The following SEC61A2 variants were observed in gnomAD, a reference collection of about 807,000 sequenced individuals.
The protein encoded by SEC61A2 is protein transport protein Sec61 subunit alpha isoform 2.
Under a neutral mutation model 59.9 loss-of-function variants are expected in SEC61A2, and 28 were observed. That is an observed-to-expected ratio of 0.47 (90% CI 0.35 to 0.64). The LOEUF (loss-of-function observed/expected upper bound fraction) is 0.64. Ranked by LOEUF, SEC61A2 falls within the 30% of genes least tolerant of loss-of-function variation. SEC61A2 has a pLI of 0.01. For missense variants in SEC61A2, 340 were observed against 585.9 expected (o/e 0.58, Z 4.33); for synonymous variants, 202 against 214.4 (o/e 0.94, Z 0.50).
At chr10:12,148,407 G>A (rs1016984802) in intron 4 of SEC61A2, among the ~76,000 whole-genome samples, 25 of 151,432 alleles carry the variant, frequency 1.7e-4, no homozygotes, top group Non-Finnish European at 3.7e-4. Context: ...CATCATGCCC[G>A]GATACTTTTG....
At position 12,129,981 on chromosome 10, in the gene SEC61A2, C is replaced by T. The variant is rs1445094519; in HGVS notation, c.7+187C>T. On this transcript the variant is annotated intron_variant, in intron 1 of 11. Transcript: ENST00000298428. The surrounding 1 kb of genome is among the most constrained non-coding windows in gnomAD (Gnocchi z 5.6). ...TCCCCTAGCCGTGCGAGGCCTTGCC[C>T]GGCGGGTACCGGGACCCGGAGGCCC... 1.3e-5 allele frequency among the ~76,000 whole-genome samples: 2 copies of T among 152,072 alleles called. No homozygotes were observed. The highest frequency in any genetic ancestry group is 2.1e-4 in the South Asian group (1 of 4,830).
Position 12,149,386 on chromosome 10 carries a change from G to A in SEC61A2, c.221-209G>A, listed in dbSNP as rs77364435. ...CTGCAGGCGTGAGCCACTGTGCCAA[G>A]CCTATAGTACTTTTTATTCAGGGCA... is the stretch of plus-strand genomic sequence containing the variant. On this transcript the variant is annotated intron_variant, in intron 4 of 11. Transcript: ENST00000298428. This position sits in a 1 kb window ranked among gnomAD's most constrained non-coding sequence, Gnocchi z 5.2. 0.016 allele frequency among the ~76,000 whole-genome samples: 2,465 copies of A among 152,298 alleles called. 67 individuals carry two copies. The highest frequency in any genetic ancestry group is 0.057 in the African/African-American group (2,349 of 41,554).
rs1415399695 is a variant in SEC61A2, at chr10:12,145,219, G to A, written c.220+2024G>A. On this transcript the variant is annotated intron_variant, in intron 4 of 11. Coordinates refer to ENST00000298428, the MANE Select transcript of SEC61A2 (RefSeq NM_018144.4). The surrounding 1 kb of genome is among the most constrained non-coding windows in gnomAD (Gnocchi z 4.4). ...GATGGGAAACTTCTGCAGGCCACTA[G>A]GTTCCTTTCTTGTCATATATTACGT... Among the ~76,000 whole-genome samples, 4 of 152,002 alleles carry A rather than the reference G, an allele frequency of 2.6e-5. No homozygotes were observed. The East Asian group carries it at 7.7e-4, about 29-fold the overall frequency.
In SEC61A2 at chr10:12,164,503, G is replaced by A. The variant is rs776624271; in HGVS notation, c.*49G>A. On this transcript the variant is annotated 3_prime_UTR_variant, in exon 12 of 12. Coordinates refer to ENST00000298428, the MANE Select transcript of SEC61A2 (RefSeq NM_018144.4). This position sits in a 1 kb window ranked among gnomAD's most constrained non-coding sequence, Gnocchi z 7.3. ...CGTGTGAAAGGGAAAACACTTTGAC[G>A]GATCGTTTTTGTCAGATGACACTGG... 2.9e-5 allele frequency: 46 copies of A among 1,576,000 alleles called. No homozygotes were observed. Among genetic ancestry groups the A allele is most frequent in the East Asian group, 2.3e-4 (10 of 44,192 alleles).
chr10:12,133,099 G>C, intron 1 of SEC61A2, 142 bp from the exon 2 acceptor site: 1 of 529,358 alleles, frequency 1.9e-6, no homozygotes, highest in Non-Finnish European at 3.5e-6. Flanking sequence ...TTGAAATGGA[G>C]AACAGTATGA....
At chr10:12,147,531 A>G (rs1047054800) in intron 4 of SEC61A2, among the ~76,000 whole-genome samples, 1 of 152,158 alleles carries the variant, frequency 6.6e-6, no homozygotes, top group Non-Finnish European at 1.5e-5. Context: ...CCAAAAATAC[A>G]GAAATTAGCT....
At chr10:12,131,428 C>A (rs1833735153) in intron 1 of SEC61A2, among the ~76,000 whole-genome samples, 1 of 152,142 alleles carries the variant, frequency 6.6e-6, no homozygotes, top group Non-Finnish European at 1.5e-5. Context: ...GAGAGATTGT[C>A]ATTTTCACCC....
At position 12,152,866 on chromosome 10, in the gene SEC61A2, C is replaced by T. The variant is rs1053234478; in HGVS notation, c.462+2905C>T. 9.9e-5 allele frequency among the ~76,000 whole-genome samples: 15 copies of T among 150,950 alleles called. No individual in the cohort carries two copies. Among genetic ancestry groups the T allele is most frequent in the Admixed American group, 7.9e-4 (12 of 15,138 alleles). ...ACTGCACTCCAGCCTGGCGACAGAG[C>T]GGGACTCCGTCTCAAAAACTAAAAC... On this transcript the variant is annotated intron_variant, in intron 6 of 11. Coordinates refer to ENST00000298428, the MANE Select transcript of SEC61A2 (RefSeq NM_018144.4). This position sits in a 1 kb window ranked among gnomAD's most constrained non-coding sequence, Gnocchi z 5.5.
In SEC61A2 at chr10:12,129,780, C is replaced by A; in HGVS notation, c.-8C>A. ...GCGGTTTCCCCCTGGGCCTCCCCAG[C>A]AGCAGCCATGGGCAGTGAGTAGCGG... On this transcript the variant is annotated 5_prime_UTR_variant, in exon 1 of 12. Coordinates refer to ENST00000298428, the MANE Select transcript of SEC61A2 (RefSeq NM_018144.4). This position sits in a 1 kb window ranked among gnomAD's most constrained non-coding sequence, Gnocchi z 5.6. The A allele has an allele frequency of 3.4e-6, 5 of 1,485,664 alleles. No individual in the cohort carries two copies. Among genetic ancestry groups the A allele is most frequent in the Non-Finnish European group, 4.5e-6 (5 of 1,122,132 alleles). 92.0% of individuals were successfully genotyped at this position (1,485,664 alleles called of 1,614,324 possible).
Position 12,145,567 on chromosome 10 carries a change from A to T in SEC61A2, c.220+2372A>T, listed in dbSNP as rs1163425883. Among the ~76,000 whole-genome samples, 1 of 152,182 alleles carries T rather than the reference A, an allele frequency of 6.6e-6. No individual in the cohort carries two copies. Among genetic ancestry groups the T allele is most frequent in the Non-Finnish European group, 1.5e-5 (1 of 68,038 alleles). On this transcript the variant is annotated intron_variant, in intron 4 of 11. Transcript: ENST00000298428. The surrounding 1 kb of genome is among the most constrained non-coding windows in gnomAD (Gnocchi z 4.4). Reference sequence around the variant, plus strand: ...TCTTTATAGATTGGTGAGTTTGAACATTGTTTTCTGTTTTTATGGAACATT... The same window carrying T: ...TCTTTATAGATTGGTGAGTTTGAACTTTGTTTTCTGTTTTTATGGAACATT...
Position 12,129,772 on chromosome 10 carries a change from C to T in SEC61A2, c.-16C>T. On this transcript the variant is annotated 5_prime_UTR_variant, in exon 1 of 12. Coordinates refer to ENST00000298428, the MANE Select transcript of SEC61A2 (RefSeq NM_018144.4). The surrounding 1 kb of genome is among the most constrained non-coding windows in gnomAD (Gnocchi z 5.6). ...CCGAGGCCGCGGTTTCCCCCTGGGC[C>T]TCCCCAGCAGCAGCCATGGGCAGTG... The T allele has an allele frequency of 6.7e-7, 1 of 1,488,178 alleles. No homozygotes were observed. The allele number at this position is 1,488,178 out of a possible 1,614,324, so 92.2% of individuals were successfully genotyped here.
In SEC61A2 at chr10:12,149,587, C is replaced by T. The variant is rs1588638836; in HGVS notation, c.221-8C>T. 1.3e-6 allele frequency: 2 copies of T among 1,599,280 alleles called. No individual in the cohort carries two copies. Among genetic ancestry groups the T allele is most frequent in the East Asian group, 4.5e-5 (2 of 44,856 alleles). The stretch of plus-strand genomic sequence containing the variant: ...AACATTGCACACTTCTCTCCCCTTC[C>T]TTTCCAGGAACTTTAATGGAATTGG... On this transcript the variant is annotated splice_region_variant and splice_polypyrimidine_tract_variant and intron_variant, in intron 4 of 11. Transcript: ENST00000298428. The surrounding 1 kb of genome is among the most constrained non-coding windows in gnomAD (Gnocchi z 5.2).
Position 12,152,024 on chromosome 10 carries a change from A to G in SEC61A2, c.462+2063A>G, listed in dbSNP as rs1317023330. On this transcript the variant is annotated intron_variant, in intron 6 of 11. Transcript: ENST00000298428. The surrounding 1 kb of genome is among the most constrained non-coding windows in gnomAD (Gnocchi z 5.5). ...TATGCTGTTCAAGTATTTATTTAGC[A>G]TTGTTAACAATAAACATGACTTTTC... Among the ~76,000 whole-genome samples the G allele has an allele frequency of 6.6e-6, 1 of 152,206 alleles. No homozygotes were observed. The highest frequency in any genetic ancestry group is 1.9e-4 in the East Asian group (1 of 5,204).
At chr10:12,136,307 T>A (rs1223908212) in intron 3 of SEC61A2, 137 bp downstream of exon 3, 1 of 482,522 alleles carries the variant, frequency 2.1e-6, no homozygotes, top group Non-Finnish European at 3.6e-6. Context: ...CTTTTTATTT[T>A]TTATTATTAA....
chr10:12,149,835 C>T lies in SEC61A2; in HGVS notation c.353-17C>T, dbSNP rs778233805. The T allele has an allele frequency of 4.3e-6, 7 of 1,611,270 alleles. No homozygotes were observed. The highest frequency in any genetic ancestry group is 4.5e-5 in the East Asian group (2 of 44,856). ...TTGGTGGTAAGCGTGCTCTCCTTTC[C>T]CCCCAACTTTCATCAGTGTTTGGTA... On this transcript the variant is annotated splice_polypyrimidine_tract_variant and intron_variant, in intron 5 of 11. Transcript: ENST00000298428. The surrounding 1 kb of genome is among the most constrained non-coding windows in gnomAD (Gnocchi z 5.2).
rs1236730582 is a variant in SEC61A2 at position 12,143,464 on chromosome 10, G to A, written c.220+269G>A. Among the ~76,000 whole-genome samples the A allele has an allele frequency of 2.0e-5, 3 of 152,244 alleles. No individual in the cohort carries two copies. The highest frequency in any genetic ancestry group is 2.1e-4 in the South Asian group (1 of 4,820). On this transcript the variant is annotated intron_variant, in intron 4 of 11. Transcript: ENST00000298428. The surrounding 1 kb of genome is among the most constrained non-coding windows in gnomAD (Gnocchi z 4.8). Reference sequence around the variant, plus strand: ...GGAATTGGAGTCCAGGTGGGGCGCCGTGGCTCACCCCTGTAATCCCAGCAC... The same window carrying A: ...GGAATTGGAGTCCAGGTGGGGCGCCATGGCTCACCCCTGTAATCCCAGCAC...
chr10:12,130,765 AAAGT>A (rs1685803665), intron 1 of SEC61A2: 1 of 154,246 alleles, frequency 6.5e-6, no homozygotes, highest in Non-Finnish European at 1.5e-5. Flanking sequence ...GGTTGCTGCA[AAAGT>A]AATTGCGGTT....
In SEC61A2 at chr10:12,156,026, G is replaced by A. The variant is rs1834390277; in HGVS notation, c.616+95G>A. ...GCAGTACATGCCTAGAGCCGTTCTG[G>A]TTTGCTCTCCTAGGGGATAAGGAAT... On this transcript the variant is annotated intron_variant, in intron 7 of 11. Transcript: ENST00000298428. The surrounding 1 kb of genome is among the most constrained non-coding windows in gnomAD (Gnocchi z 5.2). The A allele has an allele frequency of 2.2e-6, 3 of 1,350,706 alleles. No homozygotes were observed. The highest frequency in any genetic ancestry group is 3.1e-6 in the Non-Finnish European group (3 of 954,852). 83.7% of individuals were successfully genotyped at this position (1,350,706 alleles called of 1,614,324 possible). A position where few individuals can be genotyped will look rare whatever the true frequency, so the allele number is the denominator to read the frequency against.
In SEC61A2 at chr10:12,149,892, T is replaced by C; in HGVS notation, c.393T>C (p.Tyr131=). The change falls in exon 6 of 12, where the codon TAT becomes TAC. Residue 131 remains tyrosine (Y), a synonymous_variant. Transcript: ENST00000298428. The surrounding 1 kb of genome is among the most constrained non-coding windows in gnomAD (Gnocchi z 5.2). ...TTACCATTGGGCAAGCCATTGTGTATGTCATGACGGGGATGTATGGGGACC... is the reference window on the plus strand; with the variant it reads ...TTACCATTGGGCAAGCCATTGTGTACGTCATGACGGGGATGTATGGGGACC... The part of the protein sequence containing the change: ...MIITIGQAIV[Y]VMTGMYGDPA... 1.2e-6 allele frequency: 2 copies of C among 1,614,172 alleles called. No individual in the cohort carries two copies. Among genetic ancestry groups the C allele is most frequent in the Non-Finnish European group, 1.7e-6 (2 of 1,180,016 alleles).
Sources: allele counts gnomAD v4.1 joint callset (sites outside exome capture counted in the v4.1 genomes callset), GRCh38; gene constraint gnomAD v4.1.1; non-coding constraint Gnocchi (gnomAD v3.1); transcripts MANE v1.5; gene names NCBI Gene and HGNC (gene_info 2026-07-23, HGNC 2026-07-21).